Variants in IQCM observed in about 807,000 individuals in gnomAD.
IQCM encodes the protein IQ domain-containing protein M.
In IQCM, 45 loss-of-function variants were observed where a neutral mutation model predicts 57.6. The observed-to-expected ratio is 0.78, with a 90% CI of 0.62 to 1.00. The LOEUF (loss-of-function observed/expected upper bound fraction) is 1.00. Among genes scored for constraint, IQCM ranks in the 50% least tolerant of loss-of-function variants. The probability of loss-of-function intolerance (pLI) is 0.00; values close to 1 mark genes in which losing one functional copy is unlikely to be tolerated. For synonymous variants in IQCM, 148 were observed against 158.9 expected (o/e 0.93, Z 0.51); for missense variants, 468 against 511.6 (o/e 0.91, Z 0.82).
intron 12 of IQCM, among the ~76,000 whole-genome samples, chr4:149,497,111 A>G (rs1742737702): frequency 6.6e-6 from 1 of 152,038 alleles, no homozygotes; most frequent in Non-Finnish European, 1.5e-5. Context: ...TCTTTAATGT[A>G]TGGGGCAGGA....
intron 13 of IQCM, among the ~76,000 whole-genome samples, chr4:149,418,663 T>C (rs771040445): frequency 5.9e-5 from 9 of 151,860 alleles, no homozygotes; most frequent in Non-Finnish European, 1.2e-4. Context: ...CCAATATCTC[T>C]GATGAAGGAT....
At chr4:149,490,713 T>C (rs769595868) in intron 12 of IQCM, among the ~76,000 whole-genome samples, 4 of 152,076 alleles carry the variant, frequency 2.6e-5, no homozygotes, top group Non-Finnish European at 4.4e-5. Context: ...ACAGCTCCCA[T>C]AGTGTACCTG....
chr4:149,720,356 C>T (rs1482911661), intron 5 of IQCM, among the ~76,000 whole-genome samples: 1 of 151,988 alleles, frequency 6.6e-6, no homozygotes, highest in Non-Finnish European at 1.5e-5. Flanking sequence ...TCTATGTATT[C>T]ATAGTTTTAT....
intron 10 of IQCM, 95 bp downstream of exon 10, chr4:149,563,597 A>G (rs181075424): frequency 2.8e-4 from 243 of 870,816 alleles, no homozygotes; most frequent in Admixed American, 7.3e-4. Context: ...CAAAAAAAAA[A>G]GTATGTACAT....
intron 12 of IQCM, among the ~76,000 whole-genome samples, chr4:149,541,212 A>T (rs1392437161): frequency 6.6e-6 from 1 of 152,146 alleles, no homozygotes; most frequent in Non-Finnish European, 1.5e-5. Flanking sequence ...GAGGAACAGG[A>T]GGCTCAGGAA....
chr4:149,637,149 CAAAAAAAAAAAAGAAAA>C (rs1312463638), intron 7 of IQCM, among the ~76,000 whole-genome samples: 11 of 38,982 alleles, frequency 2.8e-4, no homozygotes, highest in Admixed American at 1.2e-3. Flanking sequence ...GACTCCGTCT[CAAAAAAAAAAAAGAAAA>C]AAAAAAAAAA....
intron 7 of IQCM, among the ~76,000 whole-genome samples, chr4:149,652,245 A>T (rs769442699): frequency 1.3e-5 from 2 of 152,124 alleles, no homozygotes; most frequent in Non-Finnish European, 2.9e-5. Context: ...GAGCTGAACA[A>T]TGAGAACACA....
At chr4:149,685,964 C>T (rs1265176079) in intron 6 of IQCM, among the ~76,000 whole-genome samples, 3 of 151,508 alleles carry the variant, frequency 2.0e-5, no homozygotes, top group Non-Finnish European at 4.4e-5. Flanking sequence ...ACCAGTGTCA[C>T]CTTCTGTTAG....
chr4:149,430,128 T>C, intron 13 of IQCM: 5 of 679,820 alleles, frequency 7.4e-6, no homozygotes, highest in Non-Finnish European at 1.0e-5. Flanking sequence ...CCTTCTTTTT[T>C]GTTCTCTCTT....
In IQCM at chr4:149,621,149, T is replaced by C. The variant is rs1300996970; in HGVS notation, c.661A>G (p.Ile221Val). The change falls in exon 8 of 14, where the codon ATA (isoleucine) becomes GTA (valine). Residue 221 changes from isoleucine (I) to valine (V), a missense_variant. By Grantham distance (29) the Ile-to-Val change is conservative. Coordinates refer to ENST00000636793, the MANE Select transcript of IQCM (RefSeq NM_001363507.2). ...RRVSFSQSSS[I>V]FRDYYSKTFK... is the part of the protein sequence containing the mutation. ...CTTACAGAATAATAATCCCGAAATATTGATGATGATTGAGAGAAACTAACT... is the reference window on the plus strand; with the variant it reads ...CTTACAGAATAATAATCCCGAAATACTGATGATGATTGAGAGAAACTAACT... 3 of 1,228,026 alleles carry C rather than the reference T, an allele frequency of 2.4e-6. No homozygotes were observed. Among genetic ancestry groups the C allele is most frequent in the South Asian group, 8.3e-5 (2 of 24,238 alleles). The allele number at this position is 1,228,026 out of a possible 1,614,324, so 76.1% of individuals were successfully genotyped here. A position where few individuals can be genotyped will look rare whatever the true frequency, so the allele number is the denominator to read the frequency against.
At chr4:149,804,163 CATT>C (rs778299193) in intron 2 of IQCM, among the ~76,000 whole-genome samples, 1 of 151,930 alleles carries the variant, frequency 6.6e-6, no homozygotes, top group Non-Finnish European at 1.5e-5. Context: ...GAGGGCAGGT[CATT>C]ATTAAGGAGA....
chr4:149,367,697 A>T (rs758703748), intron 13 of IQCM, among the ~76,000 whole-genome samples: 31 of 152,076 alleles, frequency 2.0e-4, no homozygotes, highest in Non-Finnish European at 3.8e-4. Context: ...AAAAGTATAT[A>T]TCATATTAAT....
intron 5 of IQCM, among the ~76,000 whole-genome samples, chr4:149,692,946 T>C (rs547793815): frequency 2.0e-5 from 3 of 152,118 alleles, no homozygotes; most frequent in Non-Finnish European, 4.4e-5. Flanking sequence ...GGTTTTACAA[T>C]GAAGTTAAGC....
At chr4:149,767,395 T>G (rs962369104) in intron 2 of IQCM, among the ~76,000 whole-genome samples, 2 of 152,118 alleles carry the variant, frequency 1.3e-5, no homozygotes, top group African/African-American at 4.8e-5. Context: ...TTTCAACAGT[T>G]CATGAAAGAT....
intron 2 of IQCM, among the ~76,000 whole-genome samples, chr4:149,745,421 C>T (rs937600394): frequency 6.6e-6 from 1 of 152,136 alleles, no homozygotes; most frequent in African/African-American, 2.4e-5. Context: ...AAAGCATTTG[C>T]TATTTGTATA....
At position 149,775,365 on chromosome 4, in the gene IQCM, G is replaced by A. The variant is rs574594674; in HGVS notation, c.-48-32626C>T. ...TTTAAGATTTACAAAAGGGAATCCAGTAAATACTTAGCAAAGCATTCATTG... is the reference window on the plus strand; with the variant it reads ...TTTAAGATTTACAAAAGGGAATCCAATAAATACTTAGCAAAGCATTCATTG... On this transcript the variant is annotated intron_variant, in intron 2 of 13. Coordinates refer to ENST00000636793, the MANE Select transcript of IQCM (RefSeq NM_001363507.2). 4.7e-5 allele frequency among the ~76,000 whole-genome samples: 7 copies of A among 150,468 alleles called. 1 individual carries two copies. The highest frequency in any genetic ancestry group is 1.7e-4 in the African/African-American group (7 of 41,146).
At chr4:149,533,024 A>G (rs945341397) in intron 12 of IQCM, among the ~76,000 whole-genome samples, 2 of 152,154 alleles carry the variant, frequency 1.3e-5, no homozygotes, top group Non-Finnish European at 2.9e-5. Context: ...AAGCTGAGAC[A>G]TGAGTCAAAC....
intron 7 of IQCM, among the ~76,000 whole-genome samples, chr4:149,659,770 C>T (rs1350896036): frequency 2.0e-5 from 3 of 151,908 alleles, no homozygotes; most frequent in South Asian, 2.1e-4. Context: ...GGAAAACTGG[C>T]TAGCCATATG....
intron 12 of IQCM, among the ~76,000 whole-genome samples, chr4:149,474,921 G>A (rs532269519): frequency 8.4e-4 from 128 of 152,170 alleles, no homozygotes; most frequent in Non-Finnish European, 1.5e-3. Flanking sequence ...GAAGTAGAGT[G>A]AGGAGGAAAG....
Sources: gnomAD v4.1 joint callset for allele counts (sites outside exome capture counted in the v4.1 genomes callset) on GRCh38, gnomAD v4.1.1 for gene constraint, MANE v1.5 for transcripts, NCBI Gene and HGNC (gene_info 2026-07-23, HGNC 2026-07-21) for gene names.